Variants in CLK4 observed in about 807,000 individuals in gnomAD.
The protein encoded by CLK4 is dual specificity protein kinase CLK4.
In CLK4, 37 loss-of-function variants were observed where a neutral mutation model predicts 64.4. The observed-to-expected ratio is 0.57, with a 90% CI of 0.44 to 0.76. The LOEUF (loss-of-function observed/expected upper bound fraction) is 0.76, where lower values mean the gene tolerates loss of function less well. Ranked by LOEUF, CLK4 falls within the 30% of genes least tolerant of loss-of-function variation. The probability of loss-of-function intolerance (pLI) is 0.00; values close to 1 mark genes in which losing one functional copy is unlikely to be tolerated. For synonymous variants in CLK4, 175 were observed against 191.6 expected (o/e 0.91, Z 0.72); for missense variants, 457 against 605.1 (o/e 0.76, Z 2.57).
At chr5:178,626,739 G>A (rs938351124) in intron 1 of CLK4, among the ~76,000 whole-genome samples, 27 of 152,338 alleles carry the variant, frequency 1.8e-4, no homozygotes, top group African/African-American at 6.3e-4. Context: ...GAGCGGCCAG[G>A]GCCCTCAGAG....
chr5:178,623,185 C>T, intron 2 of CLK4, 71 bp downstream of exon 2: 1 of 1,365,328 alleles, frequency 7.3e-7, no homozygotes, highest in Admixed American at 1.8e-5. Flanking sequence ...CAGATGAAAG[C>T]TATATAAGCA....
intron 5 of CLK4, among the ~76,000 whole-genome samples, chr5:178,615,818 G>A (rs910606238): frequency 6.6e-6 from 1 of 152,174 alleles, no homozygotes; most frequent in African/African-American, 2.4e-5. Context: ...CAAAATAGAG[G>A]TCCTAGAGGA....
intron 2 of CLK4, chr5:178,619,960 T>C (rs1022604901): frequency 6.5e-6 from 3 of 461,794 alleles, no homozygotes; most frequent in Non-Finnish European, 1.3e-5. Context: ...TAACAAGCAA[T>C]GGAGTGACGG....
At chr5:178,609,751 ATATAT>A (rs1764529469) in intron 9 of CLK4, among the ~76,000 whole-genome samples, 4 of 148,292 alleles carry the variant, frequency 2.7e-5, no homozygotes, top group South Asian at 4.2e-4. Context: ...ATATATATAT[ATATAT>A]AAATTAGTTG....
At chr5:178,612,312 G>T in intron 9 of CLK4, 104 bp downstream of exon 9, 1 of 1,022,356 alleles carries the variant, frequency 9.8e-7, no homozygotes, top group Non-Finnish European at 1.4e-6. Context: ...AACGTTTTCT[G>T]AATCCTGCTG....
intron 2 of CLK4, chr5:178,622,999 A>G: frequency 2.4e-6 from 1 of 413,560 alleles, no homozygotes; most frequent in Non-Finnish European, 4.4e-6. Context: ...CATGTTATTT[A>G]ATACATTTCA....
chr5:178,609,695 T>C (rs770156868), intron 9 of CLK4, among the ~76,000 whole-genome samples: 10 of 136,566 alleles, frequency 7.3e-5, no homozygotes, highest in South Asian at 2.3e-4. Context: ...AAAAAATAAA[T>C]AAACAAATAA....
intron 10 of CLK4, among the ~76,000 whole-genome samples, chr5:178,607,033 T>A (rs1481462657): frequency 6.6e-6 from 1 of 151,698 alleles, no homozygotes; most frequent in Non-Finnish European, 1.5e-5. Context: ...GAAAGTAGAG[T>A]TTCCTACTTT....
At chr5:178,622,465 CA>C in intron 2 of CLK4, 1 of 983,746 alleles carries the variant, frequency 1.0e-6, no homozygotes, top group Middle Eastern at 2.9e-4. Flanking sequence ...AACATCTGCA[CA>C]AAACGAGAAA....
chr5:178,625,419 T>A (rs1432194183), intron 1 of CLK4, among the ~76,000 whole-genome samples: 1 of 64,784 alleles, frequency 1.5e-5, no homozygotes, highest in Non-Finnish European at 2.8e-5. Context: ...TGAGACCCTG[T>A]CTCAAAAAAA....
intron 1 of CLK4, among the ~76,000 whole-genome samples, chr5:178,625,442 A>G (rs1348242072): frequency 4.0e-5 from 6 of 149,440 alleles, no homozygotes; most frequent in African/African-American, 9.8e-5. Flanking sequence ...AAAAAAAAAA[A>G]AAAGAAAATG....
rs557798681 is a variant in CLK4 at position 178,606,964 on chromosome 5, A to G, written c.1134+1412T>C. On this transcript the variant is annotated intron_variant, in intron 10 of 12. Coordinates refer to ENST00000316308, the MANE Select transcript of CLK4 (RefSeq NM_020666.3). ...GACACAGTGAGACTCCATCTCAGGGAAAAAAAAAAAAAAATTAAGATTTCA... is the reference window on the plus strand; with the variant it reads ...GACACAGTGAGACTCCATCTCAGGGGAAAAAAAAAAAAAATTAAGATTTCA... Among the ~76,000 whole-genome samples the G allele has an allele frequency of 3.0e-4, 42 of 140,900 alleles. 2 individuals are homozygous for G. In the Middle Eastern group the frequency reaches 0.027, roughly 89 times the overall value. 92.4% of individuals were successfully genotyped at this position (140,900 alleles called of 152,430 possible).
In CLK4 at chr5:178,617,204, G is replaced by A. The variant is rs1288652280; in HGVS notation, c.475+140C>T. Reference sequence around the variant, plus strand: ...AATATTTAAATTCTACAGAAAAGAAGAAATATAAAAGAACAAACAAACCCA... The same window carrying A: ...AATATTTAAATTCTACAGAAAAGAAAAAATATAAAAGAACAAACAAACCCA... On this transcript the variant is annotated intron_variant, in intron 4 of 12. Coordinates refer to ENST00000316308, the MANE Select transcript of CLK4 (RefSeq NM_020666.3). The surrounding 1 kb of genome is among the most constrained non-coding windows in gnomAD (Gnocchi z 5.2). 16 of 685,798 alleles carry A rather than the reference G, an allele frequency of 2.3e-5. No individual in the cohort carries two copies. In the South Asian group the frequency reaches 2.9e-4, roughly 13 times the overall value. 42.5% of individuals were successfully genotyped at this position (685,798 alleles called of 1,614,324 possible). A position where few individuals can be genotyped will look rare whatever the true frequency, so the allele number is the denominator to read the frequency against.
At chr5:178,614,013 AAT>A (rs1422224778) in intron 5 of CLK4, among the ~76,000 whole-genome samples, 170 bp from the exon 6 acceptor site, 3 of 152,216 alleles carry the variant, frequency 2.0e-5, no homozygotes, top group Non-Finnish European at 2.9e-5. Context: ...ATTTTGATAA[AAT>A]ACTTTATATG....
chr5:178,626,686 G>A (rs909899496), intron 1 of CLK4, among the ~76,000 whole-genome samples: 1 of 149,158 alleles, frequency 6.7e-6, no homozygotes, highest in African/African-American at 2.6e-5. Flanking sequence ...CGCTCGCCAG[G>A]CAGCAGGGGA....
At position 178,603,916 on chromosome 5, in the gene CLK4, G is replaced by T; in HGVS notation, c.1233C>A (p.His411Gln). ...IQKTRKRKYF[H>Q]HNQLDWDEHS... ...GTTCATCCCAATCTAGCTGGTTATGGTGAAAATACTTGCGTTTTCTACAGA... is the reference window on the plus strand; with the variant it reads ...GTTCATCCCAATCTAGCTGGTTATGTTGAAAATACTTGCGTTTTCTACAGA... Residue 411 changes from histidine (H) to glutamine (Q), a missense_variant, in exon 12 of 13, where the codon CAC becomes CAA. Physicochemically the swap from His to Gln is conservative, Grantham distance 24 (BLOSUM62 0). Transcript: ENST00000316308. The T allele has an allele frequency of 6.2e-7, 1 of 1,603,494 alleles. No individual in the cohort carries two copies. Among genetic ancestry groups the T allele is most frequent in the Non-Finnish European group, 8.5e-7 (1 of 1,176,542 alleles).
chr5:178,612,455 C>A lies in CLK4; in HGVS notation c.1012G>T (p.Val338Leu). 6.2e-7 allele frequency: 1 copy of A among 1,613,984 alleles called. No individual in the cohort carries two copies. Among genetic ancestry groups the A allele is most frequent in the East Asian group, 2.2e-5 (1 of 44,872 alleles). Reference sequence around the variant, plus strand: ...GGAGCTCTGTAGTGCCGGGTAGACACCAAAGTACTGTGATGTTCATCATCA... The same window carrying A: ...GGAGCTCTGTAGTGCCGGGTAGACAACAAAGTACTGTGATGTTCATCATCA... ...TYDDEHHSTL[V>L]STRHYRAPEV... Residue 338 changes from valine (V) to leucine (L), a missense_variant, in exon 9 of 13, where the codon GTG becomes TTG. By Grantham distance (32) the Val-to-Leu change is conservative (BLOSUM62 1). Transcript: ENST00000316308.
At chr5:178,620,632 C>T (rs966332240) in intron 2 of CLK4, 17 of 455,538 alleles carry the variant, frequency 3.7e-5, no homozygotes, top group Middle Eastern at 3.2e-4. Flanking sequence ...ATAGCCAAGA[C>T]GGATGAGGGT....
At chr5:178,615,532 T>C (rs1764615674) in intron 5 of CLK4, among the ~76,000 whole-genome samples, 1 of 152,192 alleles carries the variant, frequency 6.6e-6, no homozygotes, top group Admixed American at 6.5e-5. Flanking sequence ...ATAGTATTTA[T>C]GGAAAGTGAA....
Sources: gnomAD v4.1 joint callset for allele counts (sites outside exome capture counted in the v4.1 genomes callset) on GRCh38, gnomAD v4.1.1 for gene constraint, Gnocchi (gnomAD v3.1) non-coding constraint, MANE v1.5 for transcripts, NCBI Gene and HGNC (gene_info 2026-07-23, HGNC 2026-07-21) for gene names.